The following DOK6 variants were observed in gnomAD, a reference collection of about 807,000 sequenced individuals.
The protein encoded by DOK6 is downstream of tyrosine kinase 6.
A neutral mutation model predicts 44.0 loss-of-function variants in DOK6; 22 were observed. That is an observed-to-expected ratio of 0.50 (90% CI 0.36 to 0.71). The LOEUF (loss-of-function observed/expected upper bound fraction) is 0.71. Among genes scored for constraint, DOK6 ranks in the 30% least tolerant of loss-of-function variants. DOK6 has a pLI of 0.00. For synonymous variants in DOK6, 166 were observed against 145.5 expected, an observed-to-expected ratio of 1.14 and a Z score of -1.01; for missense variants, 340 against 416.4, an observed-to-expected ratio of 0.82 and a Z score of 1.60.
At chr18:69,566,144 T>TTTATTTACTTAC (rs1555713496) in intron 2 of DOK6, among the ~76,000 whole-genome samples, 1 of 144,612 alleles carries the variant, frequency 6.9e-6, no homozygotes, top group African/African-American at 2.5e-5. Flanking sequence ...TATTTATTTA[T>TTTATTTACTTAC]TTACTTATTT....
At chr18:69,531,922 G>A (rs1022626212) in intron 1 of DOK6, among the ~76,000 whole-genome samples, 2 of 152,148 alleles carry the variant, frequency 1.3e-5, no homozygotes, top group Admixed American at 1.3e-4. Context: ...TTAGGAGATG[G>A]GGTCTTTGGG....
chr18:69,815,048 C>T (rs1385712362), intron 7 of DOK6, among the ~76,000 whole-genome samples: 5 of 152,110 alleles, frequency 3.3e-5, no homozygotes, highest in Admixed American at 6.6e-5. Context: ...GAAGGAGCTG[C>T]GTGCTCTGTT....
Position 69,401,456 on chromosome 18 carries a change from C to G in DOK6, c.66+146C>G, listed in dbSNP as rs1449075069. 5 of 1,010,648 alleles carry G rather than the reference C, an allele frequency of 4.9e-6. No homozygotes were observed. The Admixed American group carries it at 1.6e-4, about 33-fold the overall frequency. 62.6% of individuals were successfully genotyped at this position (1,010,648 alleles called of 1,614,324 possible). A position where few individuals can be genotyped will look rare whatever the true frequency, so the allele number is the denominator to read the frequency against. On this transcript the variant is annotated intron_variant, in intron 1 of 7. Transcript: ENST00000382713. ...GGCGGATGGCCCGCTTGTTGCTTGG[C>G]CAGGTGGGGGCCCACACCTGCCGGG...
chr18:69,809,900 A>G (rs1394513753), intron 7 of DOK6, among the ~76,000 whole-genome samples: 1 of 151,914 alleles, frequency 6.6e-6, no homozygotes, highest in Non-Finnish European at 1.5e-5. Context: ...TTAAAGTGTC[A>G]GTACCATTCA....
At chr18:69,406,224 C>G (rs558752053) in intron 1 of DOK6, among the ~76,000 whole-genome samples, 1 of 152,148 alleles carries the variant, frequency 6.6e-6, no homozygotes, top group Non-Finnish European at 1.5e-5. Context: ...TCTACCCAAT[C>G]CCTATATTTT....
chr18:69,507,847 T>G (rs1454797756), intron 1 of DOK6, among the ~76,000 whole-genome samples: 1 of 152,146 alleles, frequency 6.6e-6, no homozygotes, highest in Non-Finnish European at 1.5e-5. Flanking sequence ...TGCCTCTTGT[T>G]TCTTTTGTAG....
Position 69,476,615 on chromosome 18 carries a change from G to A in DOK6, c.66+75305G>A, listed in dbSNP as rs115393819. ...AGGAGGTGGCCTCTGCCACCCCCAG[G>A]TCCACAGGAGGAGGGAAGGGATTGG... On this transcript the variant is annotated intron_variant, in intron 1 of 7. Coordinates refer to ENST00000382713, the MANE Select transcript of DOK6 (RefSeq NM_152721.6). Among the ~76,000 whole-genome samples, 1,063 of 152,300 alleles carry A rather than the reference G, an allele frequency of 7.0e-3. 14 individuals are homozygous for A. The highest frequency in any genetic ancestry group is 0.023 in the African/African-American group (971 of 41,556).
chr18:69,473,089 GA>G (rs1030232539), intron 1 of DOK6, among the ~76,000 whole-genome samples: 82 of 152,206 alleles, frequency 5.4e-4, no homozygotes, highest in African/African-American at 1.9e-3. Context: ...ACTTGGTTGG[GA>G]AAAAAATTAA....
At chr18:69,746,179 A>G (rs1347025024) in intron 6 of DOK6, among the ~76,000 whole-genome samples, 7 of 152,218 alleles carry the variant, frequency 4.6e-5, no homozygotes, top group Non-Finnish European at 1.0e-4. Flanking sequence ...AAAGTGAATG[A>G]CAGTTTCTGC....
intron 1 of DOK6, among the ~76,000 whole-genome samples, chr18:69,519,741 A>C (rs1381205832): frequency 6.6e-6 from 1 of 151,898 alleles, no homozygotes; most frequent in Non-Finnish European, 1.5e-5. Flanking sequence ...GAATTATAAA[A>C]ATTTTCTCTC....
chr18:69,499,277 A>T, intron 1 of DOK6, among the ~76,000 whole-genome samples: 1 of 72,336 alleles, frequency 1.4e-5, no homozygotes, highest in Admixed American at 1.4e-4. Flanking sequence ...CGATGGGCTA[A>T]GAAGATTACT....
intron 6 of DOK6, among the ~76,000 whole-genome samples, chr18:69,749,840 C>T (rs1420281790): frequency 1.3e-5 from 2 of 151,138 alleles, no homozygotes; most frequent in Non-Finnish European, 2.9e-5. Context: ...ACTTGGGAGG[C>T]TGAGGCAGGA....
At chr18:69,509,649 A>ACT (rs1981306309) in intron 1 of DOK6, among the ~76,000 whole-genome samples, 1 of 148,284 alleles carries the variant, frequency 6.7e-6, no homozygotes, top group Non-Finnish European at 1.5e-5. Flanking sequence ...AAAAAAAAAA[A>ACT]AAAAAAAAAA....
chr18:69,585,711 G>A (rs1471493561), intron 2 of DOK6, among the ~76,000 whole-genome samples: 1 of 152,122 alleles, frequency 6.6e-6, no homozygotes. Context: ...ACACTGTACT[G>A]CTTTTAGCGT....
rs1317738197 is a variant in DOK6 at position 69,700,206 on chromosome 18, C to CAT, written c.599+1621_599+1622dup. On this transcript the variant is annotated intron_variant, in intron 5 of 7. Transcript: ENST00000382713. ...AGTCAAACCATATCAGTTAGTTTTA[C>CAT]ATATATATACATATATATATATATA... 5.5e-5 allele frequency among the ~76,000 whole-genome samples: 4 copies of CAT among 72,138 alleles called. No homozygotes were observed. In the East Asian group the frequency reaches 3.3e-3, roughly 59 times the overall value. 47.3% of individuals were successfully genotyped at this position (72,138 alleles called of 152,430 possible).
intron 1 of DOK6, among the ~76,000 whole-genome samples, chr18:69,491,157 A>G (rs917820195): frequency 1.3e-5 from 2 of 152,262 alleles, no homozygotes; most frequent in African/African-American, 4.8e-5. Flanking sequence ...CTAAACATTC[A>G]GTAAGTGTTA....
chr18:69,813,931 T>G lies in DOK6; in HGVS notation c.857-27313T>G, dbSNP rs1449427030. On this transcript the variant is annotated intron_variant, in intron 7 of 7. Coordinates refer to ENST00000382713, the MANE Select transcript of DOK6 (RefSeq NM_152721.6). ...CTATTTTCAGAATTAAATGAAGTAA[T>G]TATATGTGAAAATATTATGAAACTT... 2.0e-5 allele frequency among the ~76,000 whole-genome samples: 3 copies of G among 152,136 alleles called. No individual in the cohort carries two copies. In the East Asian group the frequency reaches 5.8e-4, roughly 29 times the overall value.
chr18:69,733,930 T>C (rs1450383587), intron 5 of DOK6, among the ~76,000 whole-genome samples: 2 of 152,260 alleles, frequency 1.3e-5, no homozygotes, highest in South Asian at 2.1e-4. Flanking sequence ...TTTGTTTTTG[T>C]CTTATGTTAC....
At chr18:69,506,851 A>G (rs1157819247) in intron 1 of DOK6, among the ~76,000 whole-genome samples, 2 of 151,648 alleles carry the variant, frequency 1.3e-5, no homozygotes, top group African/African-American at 2.4e-5. Context: ...TTGAATTTGC[A>G]TTGCTTCACA....
Sources: gnomAD v4.1 joint callset for allele counts (sites outside exome capture counted in the v4.1 genomes callset) on GRCh38, gnomAD v4.1.1 for gene constraint, MANE v1.5 for transcripts, NCBI Gene and HGNC (gene_info 2026-07-23, HGNC 2026-07-21) for gene names.